CCDC7: variants seen among roughly 807,000 people sequenced by gnomAD.
The protein encoded by CCDC7 is coiled-coil domain-containing protein 7.
Under a neutral mutation model 196.9 loss-of-function variants are expected in CCDC7, and 183 were observed. The ratio of observed to expected loss-of-function variants is 0.93; its 90% CI spans 0.82 to 1.05. The LOEUF (loss-of-function observed/expected upper bound fraction) is 1.05. CCDC7 is among the 50% of genes least tolerant of loss of function. CCDC7 has a pLI of 0.00. For missense variants in CCDC7, 1,540 were observed against 1,482.2 expected (o/e 1.04, Z -0.64); for synonymous variants, 525 against 484.6 (o/e 1.08, Z -1.10).
chr10:32,862,775 G>A (rs1337469915), intron 41 of CCDC7, among the ~76,000 whole-genome samples: 1 of 151,926 alleles, frequency 6.6e-6, no homozygotes, highest in African/African-American at 2.4e-5. Flanking sequence ...CTTATATATA[G>A]GAAACCCTAA....
intron 12 of CCDC7, among the ~76,000 whole-genome samples, chr10:32,543,612 A>G (rs553783770): frequency 4.6e-5 from 7 of 152,192 alleles, no homozygotes; most frequent in Non-Finnish European, 1.0e-4. Context: ...TTGAACCACA[A>G]TACATTCAGA....
intron 11 of CCDC7, among the ~76,000 whole-genome samples, chr10:32,525,162 T>A (rs1589515518): frequency 2.0e-5 from 3 of 151,766 alleles, no homozygotes. Flanking sequence ...AGTTAATGGG[T>A]GCAGCAAATC....
chr10:32,508,189 C>G (rs1376796412), intron 9 of CCDC7, among the ~76,000 whole-genome samples: 1 of 152,120 alleles, frequency 6.6e-6, no homozygotes. Context: ...ACTCTTAGAA[C>G]TAATAAATGT....
At chr10:32,704,306 G>A (rs972725403) in intron 24 of CCDC7, among the ~76,000 whole-genome samples, 7 of 152,116 alleles carry the variant, frequency 4.6e-5, no homozygotes, top group East Asian at 1.9e-4. Context: ...TGTCAGCAGC[G>A]GAAGCTGCAG....
intron 31 of CCDC7, among the ~76,000 whole-genome samples, chr10:32,819,137 C>T (rs970417846): frequency 2.0e-5 from 3 of 152,100 alleles, no homozygotes; most frequent in Non-Finnish European, 4.4e-5. Flanking sequence ...GGGGATATCA[C>T]CATTGATCCC....
intron 23 of CCDC7, among the ~76,000 whole-genome samples, chr10:32,693,973 C>A (rs527755758): frequency 6.6e-6 from 1 of 152,200 alleles, no homozygotes; most frequent in Non-Finnish European, 1.5e-5. Context: ...TGAATGAATA[C>A]AAGTTATTAT....
At chr10:32,554,678 G>A (rs1028768041) in intron 13 of CCDC7, among the ~76,000 whole-genome samples, 10 of 152,236 alleles carry the variant, frequency 6.6e-5, no homozygotes, top group Non-Finnish European at 1.2e-4. Flanking sequence ...GTGTCTCCCA[G>A]GTCCTGCAGG....
At chr10:32,703,719 T>C (rs1439992674) in intron 24 of CCDC7, among the ~76,000 whole-genome samples, 1 of 152,110 alleles carries the variant, frequency 6.6e-6, no homozygotes, top group East Asian at 1.9e-4. Flanking sequence ...CATTTCTTTT[T>C]ATTCTTTTTT....
At chr10:32,785,340 C>T (rs1347214528) in intron 29 of CCDC7, among the ~76,000 whole-genome samples, 2 of 152,112 alleles carry the variant, frequency 1.3e-5, no homozygotes, top group African/African-American at 2.4e-5. Context: ...GATAAAAATT[C>T]TTCTGCACAA....
chr10:32,712,617 A>G (rs757227586), intron 25 of CCDC7, among the ~76,000 whole-genome samples: 13 of 152,182 alleles, frequency 8.5e-5, no homozygotes, highest in Non-Finnish European at 1.3e-4. Context: ...TAGTTGGGGA[A>G]TTTTGGAAGC....
intron 28 of CCDC7, among the ~76,000 whole-genome samples, chr10:32,762,204 A>G (rs2077570544): frequency 6.6e-6 from 1 of 151,928 alleles, no homozygotes; most frequent in African/African-American, 2.4e-5. Context: ...TGGCTCTTAA[A>G]TCACCTACTT....
chr10:32,504,124 T>G (rs1474834294), intron 9 of CCDC7, among the ~76,000 whole-genome samples: 1 of 144,164 alleles, frequency 6.9e-6, no homozygotes, highest in Non-Finnish European at 1.5e-5. Flanking sequence ...GGTTTTTTTT[T>G]TTTTTTTTTT....
At chr10:32,711,789 T>A (rs2080880012) in intron 25 of CCDC7, 59 bp downstream of exon 26, 1 of 993,828 alleles carries the variant, frequency 1.0e-6, no homozygotes, top group African/African-American at 1.7e-5. Flanking sequence ...AAAGAACTTT[T>A]TTCTTTGGTT....
In CCDC7 at chr10:32,858,465, A is replaced by G. The variant is rs111979952; in HGVS notation, c.4111+3976A>G. On this transcript the variant is annotated intron_variant, in intron 41 of 41. Coordinates refer to ENST00000639629, the Ensembl canonical transcript of CCDC7. ...TCAAACTTAATTGAAAACAACAACA[A>G]AATTGAACATCATGAGCAAGTGGGA... is the stretch of plus-strand genomic sequence containing the variant. Among the ~76,000 whole-genome samples the G allele has an allele frequency of 5.0e-3, 768 of 152,116 alleles. 5 individuals are homozygous for G. The highest frequency in any genetic ancestry group is 6.4e-3 in the Non-Finnish European group (438 of 68,014).
exon 24 of CCDC7, chr10:32,694,984 G>A (rs781337904): frequency 2.6e-6 from 4 of 1,552,834 alleles, no homozygotes; most frequent in Non-Finnish European, 3.5e-6. Flanking sequence ...AGAGAGAAAA[G>A]ACATAGTAGT....
chr10:32,642,942 A>G (rs1473397432), intron 20 of CCDC7, among the ~76,000 whole-genome samples: 1 of 152,238 alleles, frequency 6.6e-6, no homozygotes, highest in East Asian at 1.9e-4. Flanking sequence ...ATATTATTAA[A>G]TTATTTTAAA....
intron 22 of CCDC7, 80 bp from the exon 24 acceptor site, chr10:32,688,973 C>A: frequency 1.2e-6 from 1 of 864,248 alleles, no homozygotes; most frequent in Non-Finnish European, 1.9e-6. Flanking sequence ...AATGCCACTG[C>A]ACATTCGTAA....
At chr10:32,578,143 A>C (rs1298694612) in intron 16 of CCDC7, among the ~76,000 whole-genome samples, 1 of 152,116 alleles carries the variant, frequency 6.6e-6, no homozygotes, top group Non-Finnish European at 1.5e-5. Flanking sequence ...ATGGGCTTCT[A>C]TTTTAAATTA....
intron 40 of CCDC7, among the ~76,000 whole-genome samples, chr10:32,853,171 A>G (rs1160502235): frequency 6.6e-6 from 1 of 151,874 alleles, no homozygotes; most frequent in Non-Finnish European, 1.5e-5. Flanking sequence ...TTTTTTTTCT[A>G]AGCCCAAGAC....
Sources: allele counts gnomAD v4.1 joint callset (sites outside exome capture counted in the v4.1 genomes callset), GRCh38; gene constraint gnomAD v4.1.1; transcripts MANE v1.5; gene names NCBI Gene and HGNC (gene_info 2026-07-23, HGNC 2026-07-21).